The following CUL9 variants were observed in gnomAD, a reference collection of about 807,000 sequenced individuals.
The protein encoded by CUL9 is cullin-9.
In CUL9, 79 loss-of-function variants were observed where a neutral mutation model predicts 272.6. The observed-to-expected ratio is 0.29, with a 90% CI of 0.24 to 0.35. CUL9 has a LOEUF of 0.35. Ranked by LOEUF, CUL9 falls within the 10% of genes least tolerant of loss-of-function variation. CUL9 has a pLI of 1.00. For missense variants in CUL9, 2,532 were observed against 3,255.6 expected, an observed-to-expected ratio of 0.78 and a Z score of 5.41; for synonymous variants, 1,186 against 1,286.5, an observed-to-expected ratio of 0.92 and a Z score of 1.67.
intron 16 of CUL9, 132 bp from the exon 17 acceptor site, chr6:43,202,584 G>C (rs965237859): frequency 2.8e-6 from 2 of 724,960 alleles, no homozygotes; most frequent in Non-Finnish European, 2.5e-6. Flanking sequence ...GGGTCTTGCA[G>C]TGTTGCCCAG....
intron 8 of CUL9, chr6:43,188,926 A>G (rs1773165840): frequency 4.3e-6 from 2 of 464,914 alleles, no homozygotes; most frequent in Admixed American, 3.9e-5. Context: ...AGTATTTTAC[A>G]TGCATTCTCT....
In CUL9 at chr6:43,215,166, G is replaced by A. The variant is rs1280000599; in HGVS notation, c.5776G>A (p.Val1926Ile). ...GGGTGTGGCCTGTACCAGTACAGATGTCCTCTCTTGCATCCTGCACCTCTT... is the reference window on the plus strand; with the variant it reads ...GGGTGTGGCCTGTACCAGTACAGATATCCTCTCTTGCATCCTGCACCTCTT... ...AGGVACTSTD[V>I]LSCILHLLGQ... Residue 1926 changes from valine (V) to isoleucine (I), a missense_variant, in exon 30 of 41, where the codon GTC becomes ATC. By Grantham distance (29) the Val-to-Ile change is conservative. This residue lies in a region of CUL9 where 2,218 missense variants were observed against 2,788.6 expected (regional missense o/e 0.80). Transcript: ENST00000252050. 6.2e-7 allele frequency: 1 copy of A among 1,614,224 alleles called. No individual in the cohort carries two copies. Among genetic ancestry groups the A allele is most frequent in the Non-Finnish European group, 8.5e-7 (1 of 1,180,040 alleles).
chr6:43,203,420 G>A lies in CUL9; in HGVS notation c.3853G>A (p.Gly1285Ser), dbSNP rs371793412. The part of the protein sequence containing the change: ...QIRIKRCQQG[G>S]IDTRVRGVEV... Reference sequence around the variant, plus strand: ...GATAAGTCTGTGCATGTTCCAGGGCGGCATTGACACCCGGGTTCGGGGTGT... The same window carrying A: ...GATAAGTCTGTGCATGTTCCAGGGCAGCATTGACACCCGGGTTCGGGGTGT... The change falls in exon 19 of 41, where the codon GGC becomes AGC. Residue 1285 changes from glycine (G) to serine (S), a missense_variant. Coordinates refer to ENST00000252050, the MANE Select transcript of CUL9 (RefSeq NM_015089.4). The surrounding 1 kb of genome is among the most constrained non-coding windows in gnomAD (Gnocchi z 5.0). The A allele has an allele frequency of 4.3e-6, 7 of 1,613,884 alleles. No homozygotes were observed. Among genetic ancestry groups the A allele is most frequent in the Non-Finnish European group, 4.2e-6 (5 of 1,179,988 alleles).
chr6:43,195,734 G>C (rs1773937492), intron 9 of CUL9, among the ~76,000 whole-genome samples: 1 of 152,176 alleles, frequency 6.6e-6, no homozygotes, highest in South Asian at 2.1e-4. Flanking sequence ...GCACCATCCT[G>C]AAGGGAAGAT....
rs1044260456 is a variant in CUL9, at chr6:43,188,252, G to A, written c.1987+134G>A. 23 of 1,025,904 alleles carry A rather than the reference G, an allele frequency of 2.2e-5. No individual in the cohort carries two copies. In the African/African-American group the frequency reaches 2.6e-4, roughly 12 times the overall value. 63.6% of individuals were successfully genotyped at this position (1,025,904 alleles called of 1,614,324 possible). ...AGGGGAAAATGCCTTGGAACCATGC[G>A]TCCATCTTCTTCCTTTTGACCTTGA... On this transcript the variant is annotated intron_variant, in intron 7 of 40. Transcript: ENST00000252050.
intron 1 of CUL9, among the ~76,000 whole-genome samples, chr6:43,182,929 C>A (rs1444967118): frequency 1.3e-5 from 2 of 152,132 alleles, no homozygotes; most frequent in Admixed American, 1.3e-4. Flanking sequence ...TTGATGACTC[C>A]CCTACCTTCT....
In CUL9 at chr6:43,214,948, G is replaced by T. The variant is rs993568283; in HGVS notation, c.5689-131G>T. ...GCTGTGATCAGGCCACTGCACTCTG[G>T]CCTGGGTGACAGAGCAAGACTGTCT... On this transcript the variant is annotated intron_variant, in intron 29 of 40. Transcript: ENST00000252050. 1.8e-5 allele frequency: 19 copies of T among 1,070,322 alleles called. No homozygotes were observed. In the African/African-American group the frequency reaches 3.0e-4, roughly 17 times the overall value. The allele number at this position is 1,070,322 out of a possible 1,614,324, so 66.3% of individuals were successfully genotyped here.
In CUL9 at chr6:43,213,126, C is replaced by T; in HGVS notation, c.5213-23C>T. On this transcript the variant is annotated intron_variant, in intron 26 of 40. Transcript: ENST00000252050. The surrounding 1 kb of genome is among the most constrained non-coding windows in gnomAD (Gnocchi z 5.7). ...TGTTTCGCCCATTCTGTGTCTCCAC[C>T]CTTCTCCTTGACACTTGCCTAGGTC... 2 of 1,611,696 alleles carry T rather than the reference C, an allele frequency of 1.2e-6. No individual in the cohort carries two copies. Among genetic ancestry groups the T allele is most frequent in the Non-Finnish European group, 1.7e-6 (2 of 1,178,418 alleles).
chr6:43,194,587 G>A (rs1444586102), intron 9 of CUL9, among the ~76,000 whole-genome samples: 1 of 151,742 alleles, frequency 6.6e-6, no homozygotes, highest in Non-Finnish European at 1.5e-5. Context: ...CCAAAGTGCT[G>A]GGATTACAGG....
chr6:43,182,420 C>G (rs989582769), intron 1 of CUL9, among the ~76,000 whole-genome samples, 171 bp downstream of exon 1: 9 of 151,844 alleles, frequency 5.9e-5, no homozygotes, highest in African/African-American at 1.9e-4. Flanking sequence ...TCCCCCTCCC[C>G]CCAAACCCGT....
rs745841297 is a variant in CUL9, at chr6:43,221,786, G to A, written c.6846+8G>A. 16 of 1,609,854 alleles carry A rather than the reference G, an allele frequency of 9.9e-6. No homozygotes were observed. In the Middle Eastern group the frequency reaches 9.9e-4, roughly 100 times the overall value. On this transcript the variant is annotated splice_region_variant and intron_variant, in intron 35 of 40. Transcript: ENST00000252050. The surrounding 1 kb of genome is among the most constrained non-coding windows in gnomAD (Gnocchi z 4.2). ...TACAACTGCTCTGCCATGGTAAGGCGCTGGGCACTAGGGGAGGGCAGAGGC... is the reference window on the plus strand; with the variant it reads ...TACAACTGCTCTGCCATGGTAAGGCACTGGGCACTAGGGGAGGGCAGAGGC...
At position 43,218,365 on chromosome 6, in the gene CUL9, C is replaced by T. The variant is rs924556280; in HGVS notation, c.6282+1862C>T. Among the ~76,000 whole-genome samples, 3 of 151,912 alleles carry T rather than the reference C, an allele frequency of 2.0e-5. No individual in the cohort carries two copies. The highest frequency in any genetic ancestry group is 4.4e-5 in the Non-Finnish European group (3 of 67,972). On this transcript the variant is annotated intron_variant, in intron 31 of 40. Coordinates refer to ENST00000252050, the MANE Select transcript of CUL9 (RefSeq NM_015089.4). The surrounding 1 kb of genome is among the most constrained non-coding windows in gnomAD (Gnocchi z 4.4). ...CCGAGTAGCTGGGACTATAGGCGCC[C>T]GCCACCGCGCCCGGCTAATTTTTTG... is the stretch of plus-strand genomic sequence containing the variant.
chr6:43,222,525 A>G lies in CUL9; in HGVS notation c.6922-6A>G. On this transcript the variant is annotated splice_polypyrimidine_tract_variant and splice_region_variant and intron_variant, in intron 36 of 40. Coordinates refer to ENST00000252050, the MANE Select transcript of CUL9 (RefSeq NM_015089.4). ...TGCTGGTACTGATACACCTTCCTCC[A>G]CACAGGAGTTTGCTGTGAACTTGCG... 1 of 1,613,868 alleles carries G rather than the reference A, an allele frequency of 6.2e-7. No individual in the cohort carries two copies.
chr6:43,183,752 C>T (rs1209088940), intron 1 of CUL9, among the ~76,000 whole-genome samples: 1 of 151,232 alleles, frequency 6.6e-6, no homozygotes, highest in African/African-American at 2.4e-5. Flanking sequence ...CTCTCTCTTT[C>T]TTTCTTTTTT....
At chr6:43,196,622 C>T in intron 10 of CUL9, 23 bp from the exon 11 acceptor site, 1 of 1,596,450 alleles carries the variant, frequency 6.3e-7, no homozygotes, top group South Asian at 1.1e-5. Context: ...TCAGTTTCTT[C>T]CTGGTCACCT....
At position 43,199,953 on chromosome 6, in the gene CUL9, C is replaced by T. The variant is rs1408300316; in HGVS notation, c.3181C>T (p.Leu1061=). The T allele has an allele frequency of 1.7e-5, 27 of 1,614,140 alleles. No individual in the cohort carries two copies. The highest frequency in any genetic ancestry group is 2.2e-5 in the Non-Finnish European group (26 of 1,179,982). Residue 1061 remains leucine (L), a synonymous_variant, in exon 14 of 41, where the codon CTA becomes TTA. Coordinates refer to ENST00000252050, the MANE Select transcript of CUL9 (RefSeq NM_015089.4). This position sits in a 1 kb window ranked among gnomAD's most constrained non-coding sequence, Gnocchi z 4.4. ...SEIVQELTCF[L]HRLASMHKDY... ...GATTGTTCAGGAGCTGACCTGCTTC[C>T]TACATCGCCTGGCCTCGATGCATAA...
Position 43,222,826 on chromosome 6 carries a change from GTACA to G in CUL9, c.7082_7085del (p.Tyr2361TrpfsTer78). ...ACAGCTTCTACAGCCAGGACGCAGA[GTACA>G]TGGATGTGGTGGAGCAGCAGACAGA... is the stretch of plus-strand genomic sequence containing the variant. On this transcript the variant is annotated frameshift_variant, in exon 38 of 41. Transcript: ENST00000252050. LOFTEE classifies it high-confidence loss of function. 1 of 1,614,090 alleles carries G rather than the reference GTACA, an allele frequency of 6.2e-7. No homozygotes were observed. Among genetic ancestry groups the G allele is most frequent in the Non-Finnish European group, 8.5e-7 (1 of 1,179,984 alleles).
At chr6:43,212,830 G>C (rs1775626775) in intron 26 of CUL9, 2 of 274,256 alleles carry the variant, frequency 7.3e-6, no homozygotes, top group African/African-American at 4.4e-5. Flanking sequence ...AAGAGATCCA[G>C]CCCAGTGGGT....
chr6:43,215,650 T>C (rs753007337), intron 30 of CUL9, among the ~76,000 whole-genome samples: 10 of 152,234 alleles, frequency 6.6e-5, no homozygotes, highest in African/African-American at 2.4e-4. Context: ...TTAATGTTCA[T>C]TGGAAGCTGT....
Sources: allele counts gnomAD v4.1 joint callset (sites outside exome capture counted in the v4.1 genomes callset), GRCh38; gene constraint gnomAD v4.1.1; regional missense constraint gnomAD v4.1.1; non-coding constraint Gnocchi (gnomAD v3.1); transcripts MANE v1.5; gene names NCBI Gene and HGNC (gene_info 2026-07-23, HGNC 2026-07-21).